The following RBM18 variants were observed in gnomAD, a reference collection of about 807,000 sequenced individuals.
RBM18 encodes RNA binding motif protein 18.
Under a neutral mutation model 26.4 loss-of-function variants are expected in RBM18, and 18 were observed. The observed-to-expected ratio is 0.68, with a 90% confidence interval of 0.47 to 1.01. The LOEUF (loss-of-function observed/expected upper bound fraction) is 1.01. Ranked by LOEUF, RBM18 falls within the 50% of genes least tolerant of loss-of-function variation. RBM18 has a pLI of 0.00. For missense variants in RBM18, 180 were observed against 219.2 expected, an observed-to-expected ratio of 0.82 and a Z score of 1.13; for synonymous variants, 74 against 81.1, an observed-to-expected ratio of 0.91 and a Z score of 0.47.
intron 3 of RBM18, among the ~76,000 whole-genome samples, chr9:122,248,562 T>C (rs16911572): frequency 0.013 from 1,972 of 152,330 alleles, 46 homozygotes; most frequent in African/African-American, 0.045. Context: ...AGTCAATCTA[T>C]GCACCTGGTT....
chr9:122,240,090 C>T lies in RBM18; in HGVS notation c.*1794G>A, dbSNP rs1401909614. ...GTGCTTTAAATACAAATAAATAGCT[C>T]TGGTTTCTAAAGGAAACAACTCTAT... On this transcript the variant is annotated 3_prime_UTR_variant, in exon 6 of 6. Coordinates refer to ENST00000417201, the MANE Select transcript of RBM18 (RefSeq NM_033117.4). 2 of 152,206 alleles carry T rather than the reference C, an allele frequency of 1.3e-5. No individual in the cohort carries two copies. Among genetic ancestry groups the T allele is most frequent in the Non-Finnish European group, 2.9e-5 (2 of 68,044 alleles). The allele number at this position is 152,206 out of a possible 1,614,324, so 9.4% of individuals were successfully genotyped here. A position where few individuals can be genotyped will look rare whatever the true frequency, so the allele number is the denominator to read the frequency against.
At chr9:122,243,378 A>G (rs1417038066) in intron 5 of RBM18, among the ~76,000 whole-genome samples, 1 of 152,248 alleles carries the variant, frequency 6.6e-6, no homozygotes, top group Non-Finnish European at 1.5e-5. Context: ...AGGTTCACAC[A>G]GTTAACAAAC....
chr9:122,261,579 CAACA>C (rs1318395466), intron 1 of RBM18, 71 bp from the exon 2 acceptor site: 5 of 1,016,766 alleles, frequency 4.9e-6, no homozygotes, highest in Non-Finnish European at 7.7e-6. Flanking sequence ...AAATTCAACT[CAACA>C]AACATTTATT....
Position 122,239,252 on chromosome 9 carries a change from T to C in RBM18, c.*2632A>G, listed in dbSNP as rs1271212472. 5 of 152,186 alleles carry C rather than the reference T, an allele frequency of 3.3e-5. No homozygotes were observed. The highest frequency in any genetic ancestry group is 4.4e-5 in the Non-Finnish European group (3 of 68,036). The allele number at this position is 152,186 out of a possible 1,614,324, so 9.4% of individuals were successfully genotyped here. On this transcript the variant is annotated 3_prime_UTR_variant, in exon 6 of 6. Transcript: ENST00000417201. The stretch of plus-strand genomic sequence containing the variant: ...TTTTTTGAGACGGTGTCTCACTCTG[T>C]TGCCCAGGCTGGAGTGCAGTGGCAC...
chr9:122,247,453 AC>A, intron 4 of RBM18, 64 bp downstream of exon 4: 11 of 1,377,284 alleles, frequency 8.0e-6, no homozygotes, highest in Non-Finnish European at 7.2e-6. Context: ...GGGTAAGTGG[AC>A]AACCATCTTT....
chr9:122,250,716 C>G (rs1226465462), intron 3 of RBM18, among the ~76,000 whole-genome samples: 1 of 152,046 alleles, frequency 6.6e-6, no homozygotes, highest in African/African-American at 2.4e-5. Flanking sequence ...TGTTACAACA[C>G]TGTGTAACGT....
At chr9:122,248,206 A>T (rs1368757251) in intron 3 of RBM18, among the ~76,000 whole-genome samples, 3 of 152,240 alleles carry the variant, frequency 2.0e-5, no homozygotes, top group Non-Finnish European at 4.4e-5. Context: ...AATACAGATA[A>T]ATAATGTATA....
chr9:122,255,213 A>G (rs573958301), intron 2 of RBM18, among the ~76,000 whole-genome samples: 157 of 152,322 alleles, frequency 1.0e-3, no homozygotes, highest in African/African-American at 3.5e-3. Flanking sequence ...ATGTTTTATG[A>G]TAAGTACATT....
chr9:122,249,546 C>T (rs567334661), intron 3 of RBM18, among the ~76,000 whole-genome samples: 1 of 151,690 alleles, frequency 6.6e-6, no homozygotes, highest in Non-Finnish European at 1.5e-5. Context: ...CCCGCTTCTA[C>T]AAAAAATACA....
At chr9:122,253,387 C>G (rs1323338694) in intron 2 of RBM18, among the ~76,000 whole-genome samples, 1 of 152,168 alleles carries the variant, frequency 6.6e-6, no homozygotes, top group Non-Finnish European at 1.5e-5. Context: ...GATCCCAAGG[C>G]ATATTGTGGA....
chr9:122,243,239 T>C (rs369058444), intron 5 of RBM18, among the ~76,000 whole-genome samples: 31 of 152,192 alleles, frequency 2.0e-4, no homozygotes, highest in African/African-American at 7.5e-4. Flanking sequence ...CCCTAAATGC[T>C]GGGATTACAG....
At chr9:122,244,051 AAGG>A (rs1831465630) in intron 5 of RBM18, among the ~76,000 whole-genome samples, 1 of 152,194 alleles carries the variant, frequency 6.6e-6, no homozygotes, top group African/African-American at 2.4e-5. Flanking sequence ...ATCTGTGATC[AAGG>A]AGGTTCAAAT....
chr9:122,245,458 T>C (rs1221637092), intron 4 of RBM18, 117 bp from the exon 5 acceptor site: 1 of 593,216 alleles, frequency 1.7e-6, no homozygotes, highest in Non-Finnish European at 3.0e-6. Context: ...CTAGACAATT[T>C]TAGGACCACT....
chr9:122,245,891 C>G (rs1219725218), intron 4 of RBM18, among the ~76,000 whole-genome samples: 2 of 151,920 alleles, frequency 1.3e-5, no homozygotes, highest in Admixed American at 6.6e-5. Context: ...ACTTAGGAGG[C>G]TGAGGTAAGA....
rs1049407195 is a variant in RBM18 at position 122,264,776 on chromosome 9, C to G, written c.-78G>C. 6.6e-6 allele frequency: 1 copy of G among 152,328 alleles called. No homozygotes were observed. Among genetic ancestry groups the G allele is most frequent in the Admixed American group, 6.5e-5 (1 of 15,292 alleles). The allele number at this position is 152,328 out of a possible 1,614,324, so 9.4% of individuals were successfully genotyped here. On this transcript the variant is annotated 5_prime_UTR_variant, in exon 1 of 6. Transcript: ENST00000417201. ...GGAAACCAGGTCCCGACGCCGCGGT[C>G]AGACGGACCTCTAGACGCGTCCGCC...
At chr9:122,242,152 C>T in intron 5 of RBM18, 109 bp from the exon 6 acceptor site, 1 of 1,019,780 alleles carries the variant, frequency 9.8e-7, no homozygotes, top group Non-Finnish European at 1.4e-6. Context: ...CAACAAGATA[C>T]TAAATTACAG....
At chr9:122,264,128 T>C (rs1831899367) in intron 1 of RBM18, among the ~76,000 whole-genome samples, 4 of 152,222 alleles carry the variant, frequency 2.6e-5, no homozygotes, top group African/African-American at 9.7e-5. Flanking sequence ...ACACTGCCTG[T>C]CTCACGGTTG....
In RBM18 at chr9:122,241,484, T is replaced by C. The variant is rs1831419379; in HGVS notation, c.*400A>G. The C allele has an allele frequency of 6.5e-6, 1 of 154,534 alleles. No homozygotes were observed. Among genetic ancestry groups the C allele is most frequent in the African/African-American group, 2.4e-5 (1 of 41,536 alleles). 9.6% of individuals were successfully genotyped at this position (154,534 alleles called of 1,614,324 possible). A position where few individuals can be genotyped will look rare whatever the true frequency, so the allele number is the denominator to read the frequency against. ...CCCTGCCTTTTACTTTTTCTTTATG[T>C]TGTAAAAGACACACGAGCGTAGAAA... is the stretch of plus-strand genomic sequence containing the variant. On this transcript the variant is annotated 3_prime_UTR_variant, in exon 6 of 6. Coordinates refer to ENST00000417201, the MANE Select transcript of RBM18 (RefSeq NM_033117.4).
chr9:122,240,697 A>G lies in RBM18; in HGVS notation c.*1187T>C, dbSNP rs1831403019. On this transcript the variant is annotated 3_prime_UTR_variant, in exon 6 of 6. Coordinates refer to ENST00000417201, the MANE Select transcript of RBM18 (RefSeq NM_033117.4). ...AACACATCCCTAAATCTGTTGGTTG[A>G]CTTATCTTTCTCTATTGTTATATTC... is the stretch of plus-strand genomic sequence containing the variant. 1 of 152,236 alleles carries G rather than the reference A, an allele frequency of 6.6e-6. No homozygotes were observed. The highest frequency in any genetic ancestry group is 6.5e-5 in the Admixed American group (1 of 15,278). 9.4% of individuals were successfully genotyped at this position (152,236 alleles called of 1,614,324 possible).
Sources: allele counts gnomAD v4.1 joint callset (sites outside exome capture counted in the v4.1 genomes callset), GRCh38; gene constraint gnomAD v4.1.1; transcripts MANE v1.5; gene names NCBI Gene and HGNC (gene_info 2026-07-23, HGNC 2026-07-21).